Variants in SSBP3 observed in about 807,000 individuals in gnomAD.
The protein encoded by SSBP3 is single-stranded DNA-binding protein 3.
A neutral mutation model predicts 69.6 loss-of-function variants in SSBP3; 5 were observed. That is an observed-to-expected ratio of 0.07 (90% CI 0.04 to 0.15). The LOEUF (loss-of-function observed/expected upper bound fraction) is 0.15, where lower values mean the gene tolerates loss of function less well. Ranked by LOEUF, SSBP3 falls within the 10% of genes least tolerant of loss-of-function variation. SSBP3 has a pLI of 1.00. For synonymous variants in SSBP3, 196 were observed against 193.4 expected, an observed-to-expected ratio of 1.01 and a Z score of -0.11; for missense variants, 312 against 534.0, an observed-to-expected ratio of 0.58 and a Z score of 4.10.
At chr1:54,274,718 A>G (rs1204854213) in intron 5 of SSBP3, among the ~76,000 whole-genome samples, 6 of 152,184 alleles carry the variant, frequency 3.9e-5, no homozygotes, top group Non-Finnish European at 8.8e-5. Context: ...CAGCCGGCCA[A>G]GGGCCCAGCC....
intron 4 of SSBP3, among the ~76,000 whole-genome samples, chr1:54,397,294 T>C (rs189014692): frequency 3.9e-5 from 6 of 152,308 alleles, no homozygotes; most frequent in African/African-American, 1.2e-4. Context: ...GAAAGGGTTC[T>C]GGCAGGCATG....
chr1:54,361,724 G>C (rs1646955398), intron 4 of SSBP3, among the ~76,000 whole-genome samples: 1 of 152,070 alleles, frequency 6.6e-6, no homozygotes, highest in African/African-American at 2.4e-5. Context: ...GCATCTACAA[G>C]CAGCAGACAG....
intron 4 of SSBP3, among the ~76,000 whole-genome samples, chr1:54,284,223 C>T (rs1217308564): frequency 6.6e-6 from 1 of 151,058 alleles, no homozygotes. Flanking sequence ...CATGAGCCAC[C>T]ACCCCCCGCC....
At chr1:54,239,449 T>C (rs1376780729) in intron 13 of SSBP3, among the ~76,000 whole-genome samples, 1 of 152,138 alleles carries the variant, frequency 6.6e-6, no homozygotes, top group Non-Finnish European at 1.5e-5. Context: ...CAAATTCTTG[T>C]CTCCCCACCC....
At position 54,228,444 on chromosome 1, in the gene SSBP3, C is replaced by G; in HGVS notation, c.1035+5G>C. The G allele has an allele frequency of 6.2e-7, 1 of 1,614,218 alleles. No homozygotes were observed. The highest frequency in any genetic ancestry group is 8.5e-7 in the Non-Finnish European group (1 of 1,180,046). ...CGCCGCCAGGGAGACCGAGTGCACA[C>G]TCACTTTTGGAAGTCCGTCTATGTC... On this transcript the variant is annotated splice_donor_5th_base_variant and intron_variant, in intron 16 of 17. Transcript: ENST00000610401.
intron 4 of SSBP3, among the ~76,000 whole-genome samples, chr1:54,395,624 T>C (rs915404716): frequency 3.3e-5 from 5 of 152,144 alleles, no homozygotes; most frequent in Admixed American, 6.5e-5. Context: ...GACGGATGAC[T>C]GTACTATATT....
chr1:54,250,746 G>A (rs1403575948), intron 9 of SSBP3, among the ~76,000 whole-genome samples: 1 of 152,162 alleles, frequency 6.6e-6, no homozygotes, highest in Non-Finnish European at 1.5e-5. Flanking sequence ...GAATTCCCAA[G>A]GTGGAACATC....
intron 4 of SSBP3, among the ~76,000 whole-genome samples, chr1:54,369,991 G>A (rs544401237): frequency 1.8e-4 from 27 of 152,160 alleles, no homozygotes; most frequent in Non-Finnish European, 2.8e-4. Context: ...TAGAACTCAA[G>A]ATGCCTGGAA....
At chr1:54,335,572 C>T (rs905215041) in intron 4 of SSBP3, among the ~76,000 whole-genome samples, 1 of 152,218 alleles carries the variant, frequency 6.6e-6, no homozygotes, top group Admixed American at 6.5e-5. Flanking sequence ...GCCAGACTTA[C>T]CACAGGCTGC....
chr1:54,342,110 G>C (rs1290230474), intron 4 of SSBP3, among the ~76,000 whole-genome samples: 1 of 152,234 alleles, frequency 6.6e-6, no homozygotes, highest in Non-Finnish European at 1.5e-5. Flanking sequence ...TCCCTGCGGA[G>C]AGCACCAGGA....
At chr1:54,357,265 A>C (rs755224958) in intron 4 of SSBP3, among the ~76,000 whole-genome samples, 1 of 152,124 alleles carries the variant, frequency 6.6e-6, no homozygotes, top group Non-Finnish European at 1.5e-5. Context: ...TGCCTAACAC[A>C]GTGGCCCAGG....
intron 5 of SSBP3, among the ~76,000 whole-genome samples, chr1:54,264,718 A>C (rs919093154): frequency 1.5e-4 from 23 of 152,360 alleles, no homozygotes; most frequent in African/African-American, 5.5e-4. Context: ...AACTGCTGAC[A>C]GCTACCCAGA....
At chr1:54,372,231 G>A (rs1422075790) in intron 4 of SSBP3, among the ~76,000 whole-genome samples, 1 of 152,184 alleles carries the variant, frequency 6.6e-6, no homozygotes, top group African/African-American at 2.4e-5. Flanking sequence ...TGCCTTGCAG[G>A]GTTGGTCTGG....
At chr1:54,397,169 G>C (rs1201506990) in intron 4 of SSBP3, among the ~76,000 whole-genome samples, 2 of 152,238 alleles carry the variant, frequency 1.3e-5, no homozygotes, top group Non-Finnish European at 2.9e-5. Context: ...CCTCTGGGCA[G>C]ATAGCTAGCC....
chr1:54,382,723 T>A (rs1189053889), intron 4 of SSBP3, among the ~76,000 whole-genome samples: 1 of 152,150 alleles, frequency 6.6e-6, no homozygotes, highest in African/African-American at 2.4e-5. Flanking sequence ...CAGTGGCTCA[T>A]GCCTATAATC....
At chr1:54,362,473 A>C (rs529089917) in intron 4 of SSBP3, among the ~76,000 whole-genome samples, 45 of 152,328 alleles carry the variant, frequency 3.0e-4, no homozygotes, top group African/African-American at 1.1e-3. Flanking sequence ...AGCAAATGGG[A>C]TCAGAGGTAC....
At chr1:54,244,287 A>G (rs1644695913) in intron 9 of SSBP3, among the ~76,000 whole-genome samples, 1 of 152,168 alleles carries the variant, frequency 6.6e-6, no homozygotes, top group African/African-American at 2.4e-5. Context: ...TATTTTTAGT[A>G]GAGACGGGGT....
chr1:54,352,371 T>C (rs919494593), intron 4 of SSBP3, among the ~76,000 whole-genome samples: 3 of 152,168 alleles, frequency 2.0e-5, no homozygotes, highest in Non-Finnish European at 4.4e-5. Context: ...AGAGGCCAAA[T>C]GGATCCAAAC....
At chr1:54,321,550 T>G (rs1024513186) in intron 4 of SSBP3, among the ~76,000 whole-genome samples, 1 of 152,234 alleles carries the variant, frequency 6.6e-6, no homozygotes, top group South Asian at 2.1e-4. Flanking sequence ...AGGGCAACTC[T>G]CAGGCCAGAG....
Sources: gnomAD v4.1 joint callset for allele counts (sites outside exome capture counted in the v4.1 genomes callset) on GRCh38, gnomAD v4.1.1 for gene constraint, MANE v1.5 for transcripts, NCBI Gene and HGNC (gene_info 2026-07-23, HGNC 2026-07-21) for gene names.